The following DHRSX variants were observed in gnomAD, a reference collection of about 807,000 sequenced individuals.
DHRSX encodes polyprenol dehydrogenase.
DHRSX carries 31 observed loss-of-function variants against 34.0 expected under a neutral mutation model. The ratio of observed to expected loss-of-function variants is 0.91; its 90% CI spans 0.69 to 1.23. The LOEUF (loss-of-function observed/expected upper bound fraction) is 1.23, where lower values mean the gene tolerates loss of function less well. Among genes scored for constraint, DHRSX ranks in the 50% most tolerant of loss-of-function variants. The pLI, the probability that DHRSX is intolerant of heterozygous loss-of-function variation, is 0.00. For synonymous variants in DHRSX, 201 were observed against 183.8 expected, an observed-to-expected ratio of 1.09 and a Z score of -0.76; for missense variants, 414 against 428.1, an observed-to-expected ratio of 0.97 and a Z score of 0.29.
At chrX:2,422,930 G>A (rs1237488147) in intron 2 of DHRSX, among the ~76,000 whole-genome samples, 3 of 151,816 alleles carry the variant, frequency 2.0e-5, no homozygotes, top group Admixed American at 6.6e-5. Context: ...GACTACAGGC[G>A]CCCACCACCA....
intron 1 of DHRSX, among the ~76,000 whole-genome samples, chrX:2,441,114 C>T (rs759187823): frequency 1.0e-3 from 159 of 152,276 alleles, no homozygotes; most frequent in Non-Finnish European, 1.9e-3. Context: ...AGACGGAGCA[C>T]GTGTCAGTCC....
At chrX:2,467,369 C>CA (rs2044512367) in intron 1 of DHRSX, among the ~76,000 whole-genome samples, 1 of 152,120 alleles carries the variant, frequency 6.6e-6, no homozygotes, top group South Asian at 2.1e-4. Context: ...TAGCTCTAGT[C>CA]AGTTTGTTCA....
At chrX:2,300,025 A>T (rs1209663792) in intron 3 of DHRSX, among the ~76,000 whole-genome samples, 1 of 152,110 alleles carries the variant, frequency 6.6e-6, no homozygotes. Context: ...AAGAAAAAAA[A>T]ATTCCTTTTG....
chrX:2,265,968 T>A (rs755927438), intron 5 of DHRSX, among the ~76,000 whole-genome samples: 2 of 81,280 alleles, frequency 2.5e-5, no homozygotes, highest in East Asian at 4.6e-4. Context: ...GTACAGCAGA[T>A]GCAGGGAGCA....
chrX:2,388,613 T>C (rs186111409), intron 3 of DHRSX, among the ~76,000 whole-genome samples: 2,659 of 150,136 alleles, frequency 0.018, 45 homozygotes, highest in South Asian at 0.07. Context: ...ACCCAGCCTA[T>C]GGTATTCTGT....
At chrX:2,335,375 C>G (rs1317642747) in intron 3 of DHRSX, among the ~76,000 whole-genome samples, 1 of 151,694 alleles carries the variant, frequency 6.6e-6, no homozygotes, top group African/African-American at 2.4e-5. Flanking sequence ...AACACGGGGA[C>G]GACTCGAAGT....
chrX:2,342,201 CCTAT>C, intron 3 of DHRSX, among the ~76,000 whole-genome samples: 1 of 152,232 alleles, frequency 6.6e-6, no homozygotes, highest in Middle Eastern at 3.4e-3. Context: ...AACAGAGATG[CCTAT>C]CTGTCGGCCA....
At chrX:2,418,817 T>C (rs1471146766) in intron 2 of DHRSX, among the ~76,000 whole-genome samples, 1 of 152,120 alleles carries the variant, frequency 6.6e-6, no homozygotes, top group Non-Finnish European at 1.5e-5. Context: ...CCTGGAAAGT[T>C]TGTCATGTTG....
intron 1 of DHRSX, among the ~76,000 whole-genome samples, chrX:2,452,181 C>A (rs1337356951): frequency 6.6e-6 from 1 of 151,844 alleles, no homozygotes; most frequent in Non-Finnish European, 1.5e-5. Flanking sequence ...GGCTAAGGGA[C>A]CGCCGCCATG....
At chrX:2,476,413 GAAAGA>G (rs946759422) in intron 1 of DHRSX, among the ~76,000 whole-genome samples, 2 of 144,790 alleles carry the variant, frequency 1.4e-5, no homozygotes, top group Admixed American at 6.8e-5. Flanking sequence ...AAAAAAAAAA[GAAAGA>G]AAAGAAAAGA....
intron 1 of DHRSX, chrX:2,489,255 C>G: frequency 1.2e-6 from 2 of 1,613,918 alleles, no homozygotes; most frequent in Non-Finnish European, 8.5e-7. Flanking sequence ...TGCTGCCGCT[C>G]GAAGGCGGAG....
chrX:2,466,917 T>G lies in DHRSX; in HGVS notation c.109+33900A>C, dbSNP rs756536439. ...CCTGTCACTACTAAAAATACAAAAG[T>G]AGCAGGGCATGGTAGCGCACACCTA... On this transcript the variant is annotated intron_variant, in intron 1 of 6. Coordinates refer to ENST00000334651, the MANE Select transcript of DHRSX (RefSeq NM_145177.3). Among the ~76,000 whole-genome samples, 7 of 151,920 alleles carry G rather than the reference T, an allele frequency of 4.6e-5. No individual in the cohort carries two copies. The South Asian group carries it at 1.5e-3, about 32-fold the overall frequency.
chrX:2,254,383 C>T (rs755887157), intron 5 of DHRSX, among the ~76,000 whole-genome samples: 94 of 152,232 alleles, frequency 6.2e-4, no homozygotes, highest in African/African-American at 1.3e-3. Context: ...TTGACTGGAG[C>T]TATTTTTCCA....
chrX:2,482,901 G>A (rs1411265638), intron 1 of DHRSX, among the ~76,000 whole-genome samples: 2 of 152,066 alleles, frequency 1.3e-5, no homozygotes, highest in South Asian at 4.1e-4. Context: ...GCACCCACGG[G>A]TCCACCCGTC....
chrX:2,468,943 A>T (rs1027264084), intron 1 of DHRSX, among the ~76,000 whole-genome samples: 11 of 150,706 alleles, frequency 7.3e-5, no homozygotes, highest in Admixed American at 2.0e-4. Context: ...TTCCCTAAGT[A>T]TGTGGCTCAG....
chrX:2,374,734 CA>C, intron 3 of DHRSX, among the ~76,000 whole-genome samples: 1 of 135,006 alleles, frequency 7.4e-6, no homozygotes, highest in East Asian at 2.0e-4. Flanking sequence ...AGCGAGACTC[CA>C]TCTCAAAAAA....
intron 3 of DHRSX, among the ~76,000 whole-genome samples, chrX:2,389,557 C>A (rs971480781): frequency 6.6e-6 from 1 of 152,118 alleles, no homozygotes; most frequent in African/African-American, 2.4e-5. Context: ...GTGTCACAGT[C>A]TTTCTTGACC....
At chrX:2,229,636 T>C (rs1471730766) in intron 6 of DHRSX, among the ~76,000 whole-genome samples, 2 of 151,850 alleles carry the variant, frequency 1.3e-5, no homozygotes, top group African/African-American at 2.4e-5. Flanking sequence ...AGATGTGTAT[T>C]GTATGATTGT....
At chrX:2,282,783 GGA>G (rs1347754091) in intron 4 of DHRSX, among the ~76,000 whole-genome samples, 12 of 45,188 alleles carry the variant, frequency 2.7e-4, no homozygotes, top group East Asian at 1.2e-3. Context: ...GGAGGGAGGG[GGA>G]GAGAGAGAAG....
Sources: allele counts gnomAD v4.1 joint callset (sites outside exome capture counted in the v4.1 genomes callset), GRCh38; gene constraint gnomAD v4.1.1; transcripts MANE v1.5; gene names NCBI Gene and HGNC (gene_info 2026-07-23, HGNC 2026-07-21).